NPM1: variants seen among roughly 807,000 people sequenced by gnomAD.
NPM1 encodes the protein nucleophosmin.
A neutral mutation model predicts 44.1 loss-of-function variants in NPM1; 1 was observed. That is an observed-to-expected ratio of 0.02 (90% CI 0.01 to 0.11). The LOEUF (loss-of-function observed/expected upper bound fraction) is 0.11. Among genes scored for constraint, NPM1 ranks in the 10% least tolerant of loss-of-function variants. NPM1 has a pLI of 1.00. For missense variants in NPM1, 197 were observed against 347.8 expected, an observed-to-expected ratio of 0.57 and a Z score of 3.45; for synonymous variants, 126 against 111.8, an observed-to-expected ratio of 1.13 and a Z score of -0.80.
chr5:171,401,581 C>T (rs534345180), intron 8 of NPM1, among the ~76,000 whole-genome samples: 3 of 152,228 alleles, frequency 2.0e-5, no homozygotes, highest in East Asian at 3.9e-4. Flanking sequence ...GGACTACATG[C>T]GCGTGCCACC....
chr5:171,406,390 A>G, intron 9 of NPM1: 2 of 1,612,634 alleles, frequency 1.2e-6, no homozygotes, highest in African/African-American at 1.3e-5. Flanking sequence ...CCTTGGTTTA[A>G]TTGCAGGCGC....
At position 171,405,628 on chromosome 5, in the gene NPM1, A is replaced by G. The variant is rs370594317; in HGVS notation, c.771+225A>G. 6.0e-4 allele frequency: 313 copies of G among 521,616 alleles called. 4 individuals carry two copies. The South Asian group carries it at 6.7e-3, about 11-fold the overall frequency. 32.3% of individuals were successfully genotyped at this position (521,616 alleles called of 1,614,324 possible). On this transcript the variant is annotated intron_variant, in intron 9 of 10. Transcript: ENST00000296930. ...AATATGCCTTATTTTCCATTATGCA[A>G]GGAACGTAGTGCACTGGTTGCAAGA...
At chr5:171,408,148 T>TG (rs1184834531) in intron 10 of NPM1, among the ~76,000 whole-genome samples, 2 of 51,088 alleles carry the variant, frequency 3.9e-5, no homozygotes, top group East Asian at 2.0e-3. Context: ...GGTAGAGATC[T>TG]TTTTTTTTTT....
chr5:171,387,427 GTGCT>G (rs1254748743), upstream of NPM1, among the ~76,000 whole-genome samples: 1 of 152,152 alleles, frequency 6.6e-6, no homozygotes, highest in African/African-American at 2.4e-5. Flanking sequence ...GTGAATCGAG[GTGCT>G]CTCTGGCTCA....
In NPM1 at chr5:171,388,016, G is replaced by A. The variant is rs181587190; in HGVS notation, c.58+10G>A. ...CAGAACTATCTTTTCGGTAACTGCT[G>A]GGGGGAGCTGGAGCGAGGCCGAGCG... On this transcript the variant is annotated intron_variant, in intron 1 of 10. Coordinates refer to ENST00000296930, the MANE Select transcript of NPM1 (RefSeq NM_002520.7). 1 of 1,610,570 alleles carries A rather than the reference G, an allele frequency of 6.2e-7. No individual in the cohort carries two copies. Among genetic ancestry groups the A allele is most frequent in the Non-Finnish European group, 8.5e-7 (1 of 1,177,944 alleles).
intron 6 of NPM1, among the ~76,000 whole-genome samples, chr5:171,393,958 T>G (rs533743419): frequency 2.7e-5 from 4 of 150,376 alleles, no homozygotes; most frequent in East Asian, 3.9e-4. Flanking sequence ...AAAAGAAAAA[T>G]AAAAATTCAA....
intron 8 of NPM1, among the ~76,000 whole-genome samples, chr5:171,403,889 G>A (rs1219070683): frequency 2.8e-4 from 14 of 50,646 alleles, no homozygotes; most frequent in East Asian, 8.4e-4. Context: ...CCTCCCGGAC[G>A]GGGCGGCCGG....
At chr5:171,387,517 A>T (rs565921415), upstream of NPM1, 33 of 208,534 alleles carry the variant, frequency 1.6e-4, no homozygotes, top group Middle Eastern at 4.9e-3. Flanking sequence ...GGCTGCGCAG[A>T]CTCTTGGCGG....
chr5:171,388,078 G>GTTGGGGGGGGGGGGGGGGGGGGGC, intron 1 of NPM1, 72 bp downstream of exon 1: 1 of 616,752 alleles, frequency 1.6e-6, no homozygotes, highest in East Asian at 3.9e-5. Context: ...TGAGGGGCGG[G>GTTGGGGGGGGGGGGGGGGGGGGGC]AATCCGGCTG....
Position 171,391,422 on chromosome 5 carries a change from A to T in NPM1, c.256A>T (p.Thr86Ser). The part of the protein sequence containing the change: ...LATLKMSVQP[T>S]VSLGGFEITP... Reference sequence around the variant, plus strand: ...AACTTTGAAAATGTCTGTACAGCCAACGGTAAGGGCACTTACATACTTTGG... The same window carrying T: ...AACTTTGAAAATGTCTGTACAGCCATCGGTAAGGGCACTTACATACTTTGG... Residue 86 changes from threonine (T) to serine (S), a missense_variant and splice_region_variant, in exon 3 of 11, where the codon ACG (threonine) becomes TCG (serine). By Grantham distance (58) the Thr-to-Ser change is moderately conservative (BLOSUM62 1). This residue lies in a region of NPM1 where 43 missense variants were observed against 109.6 expected (regional missense o/e 0.39). Coordinates refer to ENST00000296930, the MANE Select transcript of NPM1 (RefSeq NM_002520.7). 6.2e-7 allele frequency: 1 copy of T among 1,606,778 alleles called. No homozygotes were observed. Among genetic ancestry groups the T allele is most frequent in the East Asian group, 2.2e-5 (1 of 44,878 alleles).
intron 6 of NPM1, among the ~76,000 whole-genome samples, chr5:171,396,478 T>C (rs1253424010): frequency 3.3e-5 from 5 of 152,242 alleles, no homozygotes; most frequent in African/African-American, 1.2e-4. Flanking sequence ...CTTGAAGGGC[T>C]ATTTGTGACA....
At chr5:171,409,742 A>G (rs1285630096) in intron 10 of NPM1, among the ~76,000 whole-genome samples, 1 of 152,024 alleles carries the variant, frequency 6.6e-6, no homozygotes, top group Non-Finnish European at 1.5e-5. Flanking sequence ...CTGACCTCTC[A>G]GGTGATCCAA....
chr5:171,387,753 G>T (rs533294099), upstream of NPM1: 146 of 622,628 alleles, frequency 2.3e-4, no homozygotes, highest in African/African-American at 1.4e-3. Context: ...TACGGTACGG[G>T]GGTGGGAGGG....
At chr5:171,397,730 C>G (rs1220812384) in intron 6 of NPM1, among the ~76,000 whole-genome samples, 1 of 151,498 alleles carries the variant, frequency 6.6e-6, no homozygotes, top group Admixed American at 6.6e-5. Context: ...CTCCTGTCTT[C>G]AGTGATCCAC....
chr5:171,387,892 C>A lies in NPM1; in HGVS notation c.-57C>A. 1.3e-6 allele frequency: 2 copies of A among 1,533,010 alleles called. No homozygotes were observed. Among genetic ancestry groups the A allele is most frequent in the South Asian group, 1.1e-5 (1 of 89,198 alleles). 95.0% of individuals were successfully genotyped at this position (1,533,010 alleles called of 1,614,324 possible). A position where few individuals can be genotyped will look rare whatever the true frequency, so the allele number is the denominator to read the frequency against. On this transcript the variant is annotated 5_prime_UTR_variant, in exon 1 of 11. Coordinates refer to ENST00000296930, the MANE Select transcript of NPM1 (RefSeq NM_002520.7). Reference sequence around the variant, plus strand: ...CGTCCTGCGCGGTTGTTCTCTGGAGCAGCGTTCTTTTATCTCCGTCCGCCT... The same window carrying A: ...CGTCCTGCGCGGTTGTTCTCTGGAGAAGCGTTCTTTTATCTCCGTCCGCCT...
At chr5:171,391,116 G>A in intron 2 of NPM1, 189 bp from the exon 3 acceptor site, 3 of 606,670 alleles carry the variant, frequency 4.9e-6, no homozygotes, top group Non-Finnish European at 8.5e-6. Flanking sequence ...GGTGTGTGTA[G>A]TAGGCTATAC....
intron 4 of NPM1, 82 bp from the exon 5 acceptor site, chr5:171,392,628 T>G: frequency 1.3e-6 from 1 of 797,608 alleles, no homozygotes; most frequent in Non-Finnish European, 1.9e-6. Flanking sequence ...TCTCAGTTTT[T>G]AGAGTATTTA....
intron 6 of NPM1, among the ~76,000 whole-genome samples, chr5:171,397,535 G>A (rs1278746256): frequency 6.6e-6 from 1 of 152,198 alleles, no homozygotes; most frequent in Admixed American, 6.5e-5. Flanking sequence ...GACTAATAAT[G>A]AGCATCTTTT....
intron 8 of NPM1, among the ~76,000 whole-genome samples, chr5:171,403,721 C>T (rs1461664155): frequency 1.3e-4 from 18 of 138,296 alleles, no homozygotes; most frequent in East Asian, 1.1e-3. Flanking sequence ...ACAGGGCGGC[C>T]GGCCGGGCGG....
Sources: allele counts gnomAD v4.1 joint callset (sites outside exome capture counted in the v4.1 genomes callset), GRCh38; gene constraint gnomAD v4.1.1; regional missense constraint gnomAD v4.1.1; transcripts MANE v1.5; gene names NCBI Gene and HGNC (gene_info 2026-07-23, HGNC 2026-07-21).